PRKG1: variants seen among roughly 807,000 people sequenced by gnomAD.
The protein encoded by PRKG1 is cGMP-dependent protein kinase 1.
Under a neutral mutation model 88.1 loss-of-function variants are expected in PRKG1, and 35 were observed. The observed-to-expected ratio is 0.40, with a 90% CI of 0.30 to 0.53. The LOEUF is 0.53. PRKG1 is among the 20% of genes least tolerant of loss of function. The pLI is 0.59. For missense variants in PRKG1, 540 were observed against 839.8 expected, an observed-to-expected ratio of 0.64 and a Z score of 4.41; for synonymous variants, 303 against 292.5, an observed-to-expected ratio of 1.04 and a Z score of -0.37.
At chr10:51,974,361 C>T (rs370342571) in intron 5 of PRKG1, among the ~76,000 whole-genome samples, 3 of 152,150 alleles carry the variant, frequency 2.0e-5, no homozygotes, top group South Asian at 4.1e-4. Flanking sequence ...TACACTCCTC[C>T]CCACCCAAAT....
At chr10:51,900,603 T>G (rs1007841254) in intron 4 of PRKG1, among the ~76,000 whole-genome samples, 8 of 152,202 alleles carry the variant, frequency 5.3e-5, no homozygotes, top group Non-Finnish European at 1.5e-5. Context: ...CTTCAAGTAT[T>G]AGAAAGCTTT....
chr10:51,799,916 G>A (rs1284026922), intron 3 of PRKG1, among the ~76,000 whole-genome samples: 1 of 151,842 alleles, frequency 6.6e-6, no homozygotes, highest in Non-Finnish European at 1.5e-5. Flanking sequence ...AAATACATAG[G>A]ATAACAAAGA....
chr10:52,029,642 G>A (rs1219060919), intron 5 of PRKG1, among the ~76,000 whole-genome samples: 1 of 152,176 alleles, frequency 6.6e-6, no homozygotes, highest in Non-Finnish European at 1.5e-5. Flanking sequence ...TGAACACTGG[G>A]ATCACTTGGA....
At chr10:51,902,169 T>C (rs982121689) in intron 4 of PRKG1, among the ~76,000 whole-genome samples, 23 of 152,128 alleles carry the variant, frequency 1.5e-4, no homozygotes, top group African/African-American at 5.6e-4. Flanking sequence ...GGCTGGAGAG[T>C]ACAGTGGTGT....
At chr10:51,598,854 A>G (rs1388489875) in intron 3 of PRKG1, among the ~76,000 whole-genome samples, 1 of 152,164 alleles carries the variant, frequency 6.6e-6, no homozygotes, top group African/African-American at 2.4e-5. Context: ...CAATTTAAAA[A>G]TAAAAGGGGT....
chr10:51,013,702 TA>T (rs1446208226), intron 1 of PRKG1, among the ~76,000 whole-genome samples: 2 of 152,170 alleles, frequency 1.3e-5, no homozygotes, highest in Non-Finnish European at 2.9e-5. Context: ...GTAACACTTT[TA>T]AAAAAGAATC....
rs1431331251 is a variant in PRKG1 at position 51,858,292 on chromosome 10, C to T, written c.699-49215C>T. 1.8e-3 allele frequency among the ~76,000 whole-genome samples: 18 copies of T among 9,906 alleles called. 7 individuals carry two copies. Among genetic ancestry groups the T allele is most frequent in the African/African-American group, 7.2e-3 (16 of 2,218 alleles). 6.5% of individuals were successfully genotyped at this position (9,906 alleles called of 152,430 possible). A position where few individuals can be genotyped will look rare whatever the true frequency, so the allele number is the denominator to read the frequency against. On this transcript the variant is annotated intron_variant, in intron 4 of 17. Coordinates refer to ENST00000373980, the MANE Select transcript of PRKG1 (RefSeq NM_006258.4). ...AATATTATACATATGTATAATTATA[C>T]ATATGTATAATATATATATGTATAA...
Position 51,176,473 on chromosome 10 carries a change from C to G in PRKG1, c.478+23143C>G, listed in dbSNP as rs577114459. On this transcript the variant is annotated intron_variant, in intron 2 of 17. Transcript: ENST00000373980. ...TTTAGGAACAAAGAGCCAGTTTCCT[C>G]ATCTGTTAAATGTGGATAATAAATG... Among the ~76,000 whole-genome samples, 6 of 152,230 alleles carry G rather than the reference C, an allele frequency of 3.9e-5. No homozygotes were observed. In the South Asian group the frequency reaches 1.0e-3, roughly 26 times the overall value.
intron 3 of PRKG1, among the ~76,000 whole-genome samples, chr10:51,688,582 T>A (rs1026491737): frequency 8.9e-4 from 135 of 151,584 alleles, no homozygotes; most frequent in African/African-American, 3.2e-3. Context: ...TTTTTTTTTT[T>A]TTTAGTGAAA....
intron 4 of PRKG1, among the ~76,000 whole-genome samples, chr10:51,849,892 G>T (rs1420355973): frequency 1.3e-5 from 2 of 151,978 alleles, no homozygotes; most frequent in African/African-American, 4.8e-5. Flanking sequence ...AAAGATCAAG[G>T]ACACAAACTA....
chr10:52,054,884 C>A (rs1044096592), intron 6 of PRKG1, among the ~76,000 whole-genome samples: 1 of 152,140 alleles, frequency 6.6e-6, no homozygotes. Context: ...CCTGTAACCT[C>A]AGCACTTTGG....
At chr10:52,206,841 C>A (rs1839833139) in intron 9 of PRKG1, among the ~76,000 whole-genome samples, 1 of 152,158 alleles carries the variant, frequency 6.6e-6, no homozygotes, top group African/African-American at 2.4e-5. Context: ...ATGGGGGTTG[C>A]CAACCAAAGT....
chr10:52,239,727 C>T (rs1299282906), intron 9 of PRKG1, among the ~76,000 whole-genome samples: 1 of 151,986 alleles, frequency 6.6e-6, no homozygotes, highest in Non-Finnish European at 1.5e-5. Flanking sequence ...TTCATTTGAA[C>T]TGGCATATGG....
intron 1 of PRKG1, among the ~76,000 whole-genome samples, chr10:51,001,023 A>G (rs942690510): frequency 6.6e-6 from 1 of 152,220 alleles, no homozygotes; most frequent in African/African-American, 2.4e-5. Flanking sequence ...GGTGGTTTTC[A>G]TGAAATATAT....
At chr10:51,461,488 TA>T (rs1839744098) in intron 2 of PRKG1, among the ~76,000 whole-genome samples, 1 of 151,760 alleles carries the variant, frequency 6.6e-6, no homozygotes, top group Non-Finnish European at 1.5e-5. Context: ...CAACTAGGAG[TA>T]AAACAAACTA....
At chr10:52,205,533 T>G (rs889949166) in intron 9 of PRKG1, among the ~76,000 whole-genome samples, 27 of 152,202 alleles carry the variant, frequency 1.8e-4, no homozygotes, top group African/African-American at 5.1e-4. Flanking sequence ...TAAAAGTGTG[T>G]TTTTTTGGTG....
intron 3 of PRKG1, among the ~76,000 whole-genome samples, chr10:51,701,207 C>G (rs1841457148): frequency 6.6e-6 from 1 of 152,152 alleles, no homozygotes; most frequent in Admixed American, 6.5e-5. Flanking sequence ...GTGGACTGGA[C>G]TGCTCCAAGC....
At chr10:52,242,101 G>A (rs1056164711) in intron 9 of PRKG1, 3 of 152,312 alleles carry the variant, frequency 2.0e-5, no homozygotes, top group South Asian at 2.1e-4. Context: ...GATGAGGGAC[G>A]TTTACCTGCA....
intron 3 of PRKG1, among the ~76,000 whole-genome samples, chr10:51,735,760 G>A (rs193112441): frequency 1.3e-5 from 2 of 151,076 alleles, no homozygotes; most frequent in African/African-American, 4.8e-5. Flanking sequence ...ACAAGGGAAA[G>A]TCTATATGTG....
Sources: allele counts gnomAD v4.1 joint callset (sites outside exome capture counted in the v4.1 genomes callset), GRCh38; gene constraint gnomAD v4.1.1; transcripts MANE v1.5; gene names NCBI Gene and HGNC (gene_info 2026-07-23, HGNC 2026-07-21).